The following GREB1 variants were observed in gnomAD, a reference collection of about 807,000 sequenced individuals.
GREB1 encodes the protein protein GREB1.
In GREB1, 106 loss-of-function variants were observed where a neutral mutation model predicts 200.7. The observed-to-expected ratio is 0.53, with a 90% confidence interval of 0.45 to 0.62. GREB1 has a LOEUF of 0.62. GREB1 is among the 20% of genes least tolerant of loss of function. The probability of loss-of-function intolerance (pLI) is 0.00; values close to 1 mark genes in which losing one functional copy is unlikely to be tolerated. For synonymous variants in GREB1, 1,132 were observed against 1,092.4 expected (o/e 1.04, Z -0.72); for missense variants, 2,243 against 2,556.8 (o/e 0.88, Z 2.65).
intron 3 of GREB1, 92 bp downstream of exon 3, chr2:11,562,674 G>T: frequency 7.3e-7 from 1 of 1,377,630 alleles, no homozygotes; most frequent in Non-Finnish European, 9.8e-7. Context: ...ACTGTGTGCT[G>T]CAGGGGTCCT....
At chr2:11,605,144 C>CTTTTTTTT (rs3035991) in intron 17 of GREB1, among the ~76,000 whole-genome samples, 4,766 of 44,742 alleles carry the variant, frequency 0.11, 1,380 homozygotes, top group Non-Finnish European at 0.18. Context: ...GAGCCTGCTT[C>CTTTTTTTT]TTTTTTTTTT....
chr2:11,578,812 C>T (rs979746527), intron 6 of GREB1, among the ~76,000 whole-genome samples: 1 of 152,222 alleles, frequency 6.6e-6, no homozygotes, highest in Non-Finnish European at 1.5e-5. Context: ...ACCCCGTGCT[C>T]AGCACTCCCC....
rs1416921664 is a variant in GREB1, at chr2:11,585,225, A to G, written c.966A>G (p.Ser322=). 1.3e-6 allele frequency: 2 copies of G among 1,580,928 alleles called. No homozygotes were observed. Among genetic ancestry groups the G allele is most frequent in the Non-Finnish European group, 1.7e-6 (2 of 1,166,180 alleles). ...RHKGWSPESP[S]APDGGCPQGG... is the part of the protein sequence containing the mutation. ...AAGGGTGGTCTCCAGAATCTCCATC[A>G]GCTCCAGATGGTGGCTGCCCCCAAG... Residue 322 remains serine (S), a synonymous_variant, in exon 8 of 33, where the codon TCA becomes TCG. Coordinates refer to ENST00000381486, the MANE Select transcript of GREB1 (RefSeq NM_014668.4).
chr2:11,610,642 G>A (rs1386355183), intron 17 of GREB1, 46 bp from the exon 18 acceptor site: 18 of 1,436,688 alleles, frequency 1.3e-5, no homozygotes, highest in East Asian at 4.6e-5. Context: ...GCAGCAGGCC[G>A]GTGGGCGCGG....
At chr2:11,570,141 G>A (rs935231868) in intron 4 of GREB1, among the ~76,000 whole-genome samples, 5 of 152,156 alleles carry the variant, frequency 3.3e-5, no homozygotes, top group African/African-American at 1.2e-4. Flanking sequence ...AGGTGTGGTG[G>A]CTCATGCCTG....
intron 1 of GREB1, among the ~76,000 whole-genome samples, chr2:11,518,237 C>G (rs939206321): frequency 2.6e-5 from 4 of 152,090 alleles, no homozygotes; most frequent in Non-Finnish European, 4.4e-5. Flanking sequence ...CATGGAGATC[C>G]ATTTGGGTGG....
At chr2:11,516,487 T>G (rs1673505414) in intron 1 of GREB1, among the ~76,000 whole-genome samples, 1 of 152,106 alleles carries the variant, frequency 6.6e-6, no homozygotes, top group Non-Finnish European at 1.5e-5. Flanking sequence ...TACAACATAG[T>G]CACATCACCC....
chr2:11,522,482 A>C (rs778634420), intron 1 of GREB1, among the ~76,000 whole-genome samples: 1 of 152,110 alleles, frequency 6.6e-6, no homozygotes, highest in Non-Finnish European at 1.5e-5. Flanking sequence ...TCGCCTGAAT[A>C]CTGGTTTTTG....
intron 1 of GREB1, among the ~76,000 whole-genome samples, chr2:11,501,905 GTT>G (rs1204074491): frequency 1.3e-4 from 8 of 61,592 alleles, no homozygotes; most frequent in South Asian, 5.3e-4. Flanking sequence ...GTTTTTTTTT[GTT>G]TTTTTTTTTT....
chr2:11,635,530 T>C (rs1372388475), intron 30 of GREB1, 125 bp downstream of exon 30: 3 of 1,100,378 alleles, frequency 2.7e-6, no homozygotes, highest in African/African-American at 3.2e-5. Flanking sequence ...AGGGCCCTAC[T>C]GGGTGGGGTC....
chr2:11,640,283 C>T lies in GREB1; in HGVS notation c.5687-8C>T. On this transcript the variant is annotated splice_region_variant and splice_polypyrimidine_tract_variant and intron_variant, in intron 32 of 32. Transcript: ENST00000381486. The surrounding 1 kb of genome is among the most constrained non-coding windows in gnomAD (Gnocchi z 4.6). Reference sequence around the variant, plus strand: ...TCCCTTCCCACACCTCTGCCGTTGTCCACGCAGGTGCGACGTTGTGTGTCA... The same window carrying T: ...TCCCTTCCCACACCTCTGCCGTTGTTCACGCAGGTGCGACGTTGTGTGTCA... The T allele has an allele frequency of 6.2e-7, 1 of 1,606,624 alleles. No individual in the cohort carries two copies.
At chr2:11,581,209 G>T in intron 7 of GREB1, 1 of 566,038 alleles carries the variant, frequency 1.8e-6, no homozygotes, top group South Asian at 2.5e-5. Flanking sequence ...ACCTACCGCT[G>T]TCTCTTGTTA....
intron 17 of GREB1, among the ~76,000 whole-genome samples, chr2:11,607,585 C>CAA (rs1682485919): frequency 9.7e-6 from 1 of 102,582 alleles, no homozygotes; most frequent in Non-Finnish European, 2.0e-5. Flanking sequence ...CACATATATA[C>CAA]ATATATACAT....
rs1187403500 is a variant in GREB1, at chr2:11,634,254, C to T, written c.5115C>T (p.Ala1705=). 4.3e-6 allele frequency: 7 copies of T among 1,614,114 alleles called. No individual in the cohort carries two copies. Among genetic ancestry groups the T allele is most frequent in the African/African-American group, 2.7e-5 (2 of 74,948 alleles). Residue 1705 remains alanine, a synonymous_variant, in exon 29 of 33, where the codon GCC becomes GCT. Transcript: ENST00000381486. ...GLRKWSSKTR[A]SEVQEPFSRC... is the part of the protein sequence containing the mutation. Reference sequence around the variant, plus strand: ...GGAAGTGGTCCAGCAAGACCCGGGCCAGCGAGGTGCAAGAGCCCTTCTCCC... The same window carrying T: ...GGAAGTGGTCCAGCAAGACCCGGGCTAGCGAGGTGCAAGAGCCCTTCTCCC...
At chr2:11,621,309 G>A (rs1278156797) in intron 23 of GREB1, among the ~76,000 whole-genome samples, 1 of 152,186 alleles carries the variant, frequency 6.6e-6, no homozygotes, top group Non-Finnish European at 1.5e-5. Context: ...GGGTGAGATA[G>A]ATGTTCCATT....
intron 3 of GREB1, among the ~76,000 whole-genome samples, chr2:11,564,423 C>T (rs1481856211): frequency 6.6e-6 from 1 of 152,154 alleles, no homozygotes; most frequent in Non-Finnish European, 1.5e-5. Flanking sequence ...CACAAGTAGT[C>T]AAGTCCCAGC....
intron 16 of GREB1, among the ~76,000 whole-genome samples, chr2:11,601,197 A>T (rs948855657): frequency 3.9e-5 from 6 of 152,156 alleles, no homozygotes; most frequent in African/African-American, 1.4e-4. Flanking sequence ...TGGCTTCCTC[A>T]TCTCGGAAGA....
chr2:11,622,810 G>A (rs1684114771), intron 23 of GREB1, among the ~76,000 whole-genome samples: 1 of 152,240 alleles, frequency 6.6e-6, no homozygotes, highest in Admixed American at 6.5e-5. Context: ...GCACAGGGCT[G>A]AGGTCCTCTG....
At chr2:11,559,010 A>T (rs1372956521) in intron 2 of GREB1, among the ~76,000 whole-genome samples, 1 of 152,206 alleles carries the variant, frequency 6.6e-6, no homozygotes, top group East Asian at 1.9e-4. Context: ...GACACTGTCC[A>T]GCATTTTGGG....
Sources: gnomAD v4.1 joint callset for allele counts (sites outside exome capture counted in the v4.1 genomes callset) on GRCh38, gnomAD v4.1.1 for gene constraint, Gnocchi (gnomAD v3.1) non-coding constraint, MANE v1.5 for transcripts, NCBI Gene and HGNC (gene_info 2026-07-23, HGNC 2026-07-21) for gene names.